The following COMMD10 variants were observed in gnomAD, a reference collection of about 807,000 sequenced individuals.
COMMD10 encodes COMM domain-containing protein 10.
A neutral mutation model predicts 28.9 loss-of-function variants in COMMD10; 33 were observed. That is an observed-to-expected ratio of 1.14 (90% CI 0.87 to 1.53). The LOEUF (loss-of-function observed/expected upper bound fraction) is 1.53, where lower values mean the gene tolerates loss of function less well. Among genes scored for constraint, COMMD10 ranks in the 40% most tolerant of loss-of-function variants. COMMD10 has a pLI of 0.00. For synonymous variants in COMMD10, 110 were observed against 81.7 expected, an observed-to-expected ratio of 1.35 and a Z score of -1.87; for missense variants, 310 against 233.4, an observed-to-expected ratio of 1.33 and a Z score of -2.14.
intron 5 of COMMD10, among the ~76,000 whole-genome samples, chr5:116,280,507 G>T (rs557339061): frequency 2.0e-5 from 3 of 151,896 alleles, no homozygotes; most frequent in African/African-American, 7.3e-5. Flanking sequence ...AAGGCAACCT[G>T]CAGACATAAA....
Position 116,156,541 on chromosome 5 carries a change from T to C in COMMD10, c.510+22363T>C, listed in dbSNP as rs542753536. On this transcript the variant is annotated intron_variant, in intron 5 of 6. Coordinates refer to ENST00000274458, the MANE Select transcript of COMMD10 (RefSeq NM_016144.4). ...TATTTGAGCTGGAAAATATGCCCTT[T>C]AAGCAACATTTTCGTTCTACTTCAT... is the stretch of plus-strand genomic sequence containing the variant. Among the ~76,000 whole-genome samples the C allele has an allele frequency of 2.6e-4, 40 of 152,276 alleles. 2 individuals carry two copies. The South Asian group carries it at 8.1e-3, about 31-fold the overall frequency.
intron 5 of COMMD10, among the ~76,000 whole-genome samples, chr5:116,168,030 C>G (rs1490128943): frequency 6.6e-6 from 1 of 151,348 alleles, no homozygotes; most frequent in Non-Finnish European, 1.5e-5. Context: ...TTAAAAGACA[C>G]ACACTGGTAA....
chr5:116,180,516 C>G (rs977293558), intron 5 of COMMD10, among the ~76,000 whole-genome samples: 3 of 151,780 alleles, frequency 2.0e-5, no homozygotes, highest in African/African-American at 7.3e-5. Flanking sequence ...TTTTAAGTGC[C>G]TCATATTTTT....
chr5:116,169,912 T>A (rs1561645461), intron 5 of COMMD10, among the ~76,000 whole-genome samples: 1 of 152,006 alleles, frequency 6.6e-6, no homozygotes, highest in Admixed American at 6.6e-5. Flanking sequence ...GGAAGTATTT[T>A]CTTTGAAAAC....
At chr5:116,146,718 T>C (rs1752361814) in intron 5 of COMMD10, among the ~76,000 whole-genome samples, 1 of 151,896 alleles carries the variant, frequency 6.6e-6, no homozygotes. Flanking sequence ...TTCAGATTTT[T>C]TCTTTCCTTT....
chr5:116,213,541 A>G (rs1186950500), intron 5 of COMMD10, among the ~76,000 whole-genome samples: 1 of 152,150 alleles, frequency 6.6e-6, no homozygotes, highest in Non-Finnish European at 1.5e-5. Context: ...ACGTGCATAC[A>G]CATTTTTTCT....
At chr5:116,108,027 C>G (rs921823811) in intron 4 of COMMD10, among the ~76,000 whole-genome samples, 2 of 152,234 alleles carry the variant, frequency 1.3e-5, no homozygotes, top group African/African-American at 4.8e-5. Flanking sequence ...AGATTGCTGC[C>G]TCTTGCTTCT....
chr5:116,144,208 C>A (rs1415922453), intron 5 of COMMD10, among the ~76,000 whole-genome samples: 2 of 151,748 alleles, frequency 1.3e-5, no homozygotes, highest in African/African-American at 4.8e-5. Context: ...TATATTAGAA[C>A]TAACATTTAA....
At chr5:116,140,382 C>T (rs1033163355) in intron 5 of COMMD10, among the ~76,000 whole-genome samples, 2 of 151,676 alleles carry the variant, frequency 1.3e-5, no homozygotes, top group Non-Finnish European at 3.0e-5. Flanking sequence ...ATGAATAATG[C>T]TGCAACAAAC....
In COMMD10 at chr5:116,137,731, T is replaced by G. The variant is rs183352556; in HGVS notation, c.510+3553T>G. Reference sequence around the variant, plus strand: ...AGTGAAGTTTTAATTGCTATCACACTGGATAACACTGTTTGACTGTGGTCT... The same window carrying G: ...AGTGAAGTTTTAATTGCTATCACACGGGATAACACTGTTTGACTGTGGTCT... On this transcript the variant is annotated intron_variant, in intron 5 of 6. Coordinates refer to ENST00000274458, the MANE Select transcript of COMMD10 (RefSeq NM_016144.4). 1.9e-4 allele frequency among the ~76,000 whole-genome samples: 29 copies of G among 152,132 alleles called. No individual in the cohort carries two copies. In the East Asian group the frequency reaches 5.4e-3, roughly 28 times the overall value.
At chr5:116,200,727 A>T (rs545560554) in intron 5 of COMMD10, among the ~76,000 whole-genome samples, 1 of 151,944 alleles carries the variant, frequency 6.6e-6, no homozygotes, top group African/African-American at 2.4e-5. Flanking sequence ...TTTCTGTTAC[A>T]GTGGTTTTTT....
At chr5:116,172,709 G>T (rs1225582867) in intron 5 of COMMD10, among the ~76,000 whole-genome samples, 2 of 152,130 alleles carry the variant, frequency 1.3e-5, no homozygotes, top group African/African-American at 4.8e-5. Context: ...AGGCTAAGAG[G>T]CATGGAGAAG....
intron 5 of COMMD10, among the ~76,000 whole-genome samples, chr5:116,208,001 C>G (rs547955543): frequency 6.6e-6 from 1 of 152,250 alleles, no homozygotes; most frequent in South Asian, 2.1e-4. Flanking sequence ...TAGGTAAGAA[C>G]ATGGGCTCCT....
intron 2 of COMMD10, among the ~76,000 whole-genome samples, chr5:116,087,931 C>T (rs1286571546): frequency 1.3e-5 from 2 of 152,148 alleles, no homozygotes; most frequent in Admixed American, 6.5e-5. Flanking sequence ...TAAAAATATA[C>T]TTTAGGGAAA....
chr5:116,239,105 TG>T (rs1179335998), intron 5 of COMMD10, among the ~76,000 whole-genome samples: 2 of 152,204 alleles, frequency 1.3e-5, no homozygotes, highest in Admixed American at 6.5e-5. Context: ...CAGCAAAGCT[TG>T]TTTTTTTGCC....
chr5:116,134,296 A>G, intron 5 of COMMD10, 118 bp downstream of exon 5: 1 of 584,024 alleles, frequency 1.7e-6, no homozygotes, highest in Non-Finnish European at 3.1e-6. Context: ...TTAAACAGTT[A>G]TTAATAAGTG....
intron 5 of COMMD10, among the ~76,000 whole-genome samples, chr5:116,156,571 A>G (rs954684373): frequency 2.0e-5 from 3 of 152,086 alleles, no homozygotes; most frequent in East Asian, 3.9e-4. Context: ...CTTCATATCT[A>G]TAGAAAGTTG....
At chr5:116,224,414 T>C (rs1477717376) in intron 5 of COMMD10, among the ~76,000 whole-genome samples, 1 of 152,138 alleles carries the variant, frequency 6.6e-6, no homozygotes, top group East Asian at 1.9e-4. Flanking sequence ...AAAGGAATGA[T>C]ATTTATTTTG....
At position 116,248,662 on chromosome 5, in the gene COMMD10, G is replaced by C. The variant is rs17413625; in HGVS notation, c.511-42855G>C. 7.5e-4 allele frequency among the ~76,000 whole-genome samples: 114 copies of C among 151,996 alleles called. 1 individual carries two copies. Among genetic ancestry groups the C allele is most frequent in the Admixed American group, 3.3e-3 (50 of 15,214 alleles). On this transcript the variant is annotated intron_variant, in intron 5 of 6. Coordinates refer to ENST00000274458, the MANE Select transcript of COMMD10 (RefSeq NM_016144.4). ...CAGTTATTCATACAGGTCTCTGTTG[G>C]TTCTGTTAGAGACAAAGTTGAGTTA...
Sources: allele counts gnomAD v4.1 joint callset (sites outside exome capture counted in the v4.1 genomes callset), GRCh38; gene constraint gnomAD v4.1.1; transcripts MANE v1.5; gene names NCBI Gene and HGNC (gene_info 2026-07-23, HGNC 2026-07-21).